Variants in CUX2 observed in about 807,000 individuals in gnomAD.
CUX2 encodes the protein homeobox protein cut-like 2.
A neutral mutation model predicts 144.8 loss-of-function variants in CUX2; 40 were observed. That is an observed-to-expected ratio of 0.28 (90% CI 0.21 to 0.36). The LOEUF is 0.36. Ranked by LOEUF, CUX2 falls within the 10% of genes least tolerant of loss-of-function variation. CUX2 has a pLI of 1.00. For synonymous variants in CUX2, 827 were observed against 875.6 expected (o/e 0.94, Z 0.98); for missense variants, 1,615 against 1,994.0 (o/e 0.81, Z 3.62).
chr12:111,204,369 C>A (rs761814904), intron 1 of CUX2, among the ~76,000 whole-genome samples: 1 of 152,196 alleles, frequency 6.6e-6, no homozygotes, highest in Non-Finnish European at 1.5e-5. Flanking sequence ...GCTCCATGTG[C>A]GCAGGACCTG....
chr12:111,239,502 A>G (rs1882917351), intron 3 of CUX2, among the ~76,000 whole-genome samples: 1 of 152,160 alleles, frequency 6.6e-6, no homozygotes, highest in Non-Finnish European at 1.5e-5. Flanking sequence ...AAAGAAATTA[A>G]TGATACATCG....
At chr12:111,200,320 A>T (rs1281287829) in intron 1 of CUX2, among the ~76,000 whole-genome samples, 1 of 151,954 alleles carries the variant, frequency 6.6e-6, no homozygotes, top group African/African-American at 2.4e-5. Flanking sequence ...TTTCACATTC[A>T]TGTTGATAAT....
At chr12:111,214,652 G>A (rs1346979386) in intron 2 of CUX2, among the ~76,000 whole-genome samples, 3 of 152,118 alleles carry the variant, frequency 2.0e-5, no homozygotes, top group South Asian at 4.2e-4. Flanking sequence ...TTGCTTTCCC[G>A]TTGGCGTCTG....
At chr12:111,316,193 G>A (rs983333921) in intron 16 of CUX2, among the ~76,000 whole-genome samples, 20 of 148,788 alleles carry the variant, frequency 1.3e-4, no homozygotes, top group African/African-American at 4.8e-4. Context: ...CCAGACTGGA[G>A]TGCAGTGGCG....
intron 18 of CUX2, 93 bp from the exon 19 acceptor site, chr12:111,334,348 G>A: frequency 7.2e-7 from 1 of 1,382,288 alleles, no homozygotes; most frequent in Admixed American, 2.6e-5. Context: ...ATGGGTGTTT[G>A]GCAACTCTTG....
At chr12:111,067,772 C>A (rs1871082446) in intron 1 of CUX2, among the ~76,000 whole-genome samples, 1 of 152,158 alleles carries the variant, frequency 6.6e-6, no homozygotes, top group African/African-American at 2.4e-5. Flanking sequence ...ATGTGGAGAA[C>A]AAGGGGACAG....
rs116019332 is a variant in CUX2, at chr12:111,101,652, C to T, written c.63+67412C>T. 3.2e-3 allele frequency among the ~76,000 whole-genome samples: 480 copies of T among 152,324 alleles called. 4 individuals are homozygous for T. Among genetic ancestry groups the T allele is most frequent in the African/African-American group, 9.8e-3 (409 of 41,564 alleles). ...TGCCAGATGCATATCTGGAGCCTGG[C>T]TTCAAACACTGTGTGGCCTTGGGCA... On this transcript the variant is annotated intron_variant, in intron 1 of 21. Coordinates refer to ENST00000261726, the MANE Select transcript of CUX2 (RefSeq NM_015267.4).
At chr12:111,085,278 G>A (rs1458030182) in intron 1 of CUX2, among the ~76,000 whole-genome samples, 3 of 152,218 alleles carry the variant, frequency 2.0e-5, no homozygotes, top group African/African-American at 7.2e-5. Context: ...CATCAGCCAA[G>A]GTGGAAGAAT....
At chr12:111,042,815 C>T (rs906452143) in intron 1 of CUX2, among the ~76,000 whole-genome samples, 5 of 144,072 alleles carry the variant, frequency 3.5e-5, no homozygotes, top group African/African-American at 5.2e-5. Context: ...TTTTTTTTAA[C>T]GTAGAAGTGG....
At position 111,234,416 on chromosome 12, in the gene CUX2, T is replaced by C. The variant is rs140747427; in HGVS notation, c.222+16479T>C. 6.6e-3 allele frequency among the ~76,000 whole-genome samples: 1,004 copies of C among 152,312 alleles called. 18 individuals carry two copies. The highest frequency in any genetic ancestry group is 0.023 in the African/African-American group (969 of 41,564). On this transcript the variant is annotated intron_variant, in intron 3 of 21. Coordinates refer to ENST00000261726, the MANE Select transcript of CUX2 (RefSeq NM_015267.4). ...TGGCTAGAGAAAGAGATGAACTCTG[T>C]TCAGCAAGGAGGCTGAGCCACCATT... is the stretch of plus-strand genomic sequence containing the variant.
intron 3 of CUX2, among the ~76,000 whole-genome samples, chr12:111,251,824 G>A (rs1883575897): frequency 1.3e-5 from 2 of 151,992 alleles, no homozygotes; most frequent in Admixed American, 1.3e-4. Context: ...GTGGTCCAGA[G>A]GGGTGCAGGG....
In CUX2 at chr12:111,035,583, A is replaced by G. The variant is rs1869399355; in HGVS notation, c.63+1343A>G. Among the ~76,000 whole-genome samples the G allele has an allele frequency of 6.7e-6, 1 of 149,128 alleles. No individual in the cohort carries two copies. The highest frequency in any genetic ancestry group is 6.7e-5 in the Admixed American group (1 of 15,030). On this transcript the variant is annotated intron_variant, in intron 1 of 21. Coordinates refer to ENST00000261726, the MANE Select transcript of CUX2 (RefSeq NM_015267.4). The surrounding 1 kb of genome is among the most constrained non-coding windows in gnomAD (Gnocchi z 6.0). ...CCGTGACATTCGCGGAAGACGCGAG[A>G]TCATCAGTCTGGAGATAAAAAGGGA...
rs190461952 is a variant in CUX2, at chr12:111,066,464, C to G, written c.63+32224C>G. Among the ~76,000 whole-genome samples, 559 of 152,280 alleles carry G rather than the reference C, an allele frequency of 3.7e-3. 13 individuals carry two copies. Among genetic ancestry groups the G allele is most frequent in the Non-Finnish European group, 1.7e-3 (114 of 68,026 alleles). Reference sequence around the variant, plus strand: ...GGTGACCTGACACTTTTCACTTACCCTGGGGTCTGAGCCCACTTTGTCACT... The same window carrying G: ...GGTGACCTGACACTTTTCACTTACCGTGGGGTCTGAGCCCACTTTGTCACT... On this transcript the variant is annotated intron_variant, in intron 1 of 21. Coordinates refer to ENST00000261726, the MANE Select transcript of CUX2 (RefSeq NM_015267.4).
chr12:111,093,705 C>G (rs1028327421), intron 1 of CUX2, among the ~76,000 whole-genome samples: 16 of 152,300 alleles, frequency 1.1e-4, no homozygotes, highest in Non-Finnish European at 2.1e-4. Context: ...GGGTGAAGCG[C>G]CTGTCGCTCT....
At chr12:111,134,880 T>C (rs1875756770) in intron 1 of CUX2, among the ~76,000 whole-genome samples, 1 of 152,164 alleles carries the variant, frequency 6.6e-6, no homozygotes, top group African/African-American at 2.4e-5. Flanking sequence ...CTTGGGTTCC[T>C]ACAGCTAGTT....
In CUX2 at chr12:111,059,439, C is replaced by T. The variant is rs73197952; in HGVS notation, c.63+25199C>T. Among the ~76,000 whole-genome samples the T allele has an allele frequency of 0.017, 2,610 of 152,334 alleles. 47 individuals carry two copies. Among genetic ancestry groups the T allele is most frequent in the Non-Finnish European group, 0.028 (1,916 of 68,026 alleles). ...TGGCAGAGATAGCCAGGCCAACTCC[C>T]AGTGAGGGGAGCAGGACTACTGCCT... On this transcript the variant is annotated intron_variant, in intron 1 of 21. Coordinates refer to ENST00000261726, the MANE Select transcript of CUX2 (RefSeq NM_015267.4). This position sits in a 1 kb window ranked among gnomAD's most constrained non-coding sequence, Gnocchi z 5.3.
chr12:111,345,176 G>A (rs910964581), intron 21 of CUX2, among the ~76,000 whole-genome samples: 38 of 147,064 alleles, frequency 2.6e-4, no homozygotes, highest in Middle Eastern at 4.0e-3. Context: ...AAGGCCGGGC[G>A]CAGTGACTCA....
chr12:111,044,844 G>A (rs1869921143), intron 1 of CUX2, among the ~76,000 whole-genome samples: 1 of 152,176 alleles, frequency 6.6e-6, no homozygotes, highest in Non-Finnish European at 1.5e-5. Flanking sequence ...GAAAGTTGCT[G>A]GGAATTGGGC....
At chr12:111,273,023 T>C (rs1201404949) in intron 4 of CUX2, among the ~76,000 whole-genome samples, 1 of 152,122 alleles carries the variant, frequency 6.6e-6, no homozygotes, top group African/African-American at 2.4e-5. Flanking sequence ...ATGCTCTGAG[T>C]GCTTGCTATG....
Sources: gnomAD v4.1 joint callset for allele counts (sites outside exome capture counted in the v4.1 genomes callset) on GRCh38, gnomAD v4.1.1 for gene constraint, Gnocchi (gnomAD v3.1) non-coding constraint, MANE v1.5 for transcripts, NCBI Gene and HGNC (gene_info 2026-07-23, HGNC 2026-07-21) for gene names.